The following MAPDA variants were observed in gnomAD, a reference collection of about 807,000 sequenced individuals.
MAPDA encodes the protein N6-Methyl-AMP deaminase.
the MAPDA span, among the ~76,000 whole-genome samples, chr15:43,350,071 CT>C: frequency 1.3e-5 from 2 of 151,554 alleles, no homozygotes; most frequent in Admixed American, 6.6e-5. Context: ...AGGAGTCACT[CT>C]TTTTTTTGGG....
the MAPDA span, chr15:43,331,922 C>G: frequency 1.3e-5 from 2 of 152,084 alleles, no homozygotes; most frequent in African/African-American, 4.8e-5. Flanking sequence ...ACTGCACATG[C>G]GTGTTGGTCC....
At chr15:43,350,887 A>G in the MAPDA span, 1 of 1,393,498 alleles carries the variant, frequency 7.2e-7, no homozygotes, top group Non-Finnish European at 1.0e-6. Flanking sequence ...GTGAACACTG[A>G]ATGAGTTCAC....
the MAPDA span, among the ~76,000 whole-genome samples, chr15:43,333,769 C>T: frequency 1.3e-5 from 2 of 152,254 alleles, no homozygotes; most frequent in Non-Finnish European, 2.9e-5. Flanking sequence ...AAGCGCTTGT[C>T]ACATACCTGT....
the MAPDA span, chr15:43,330,570 A>AG: frequency 2.1e-6 from 3 of 1,453,024 alleles, no homozygotes; most frequent in Middle Eastern, 2.6e-4. Context: ...GGACCTCGGT[A>AG]GGGGGAAAAA....
chr15:43,351,441 CTG>C, the MAPDA span: 3 of 348,400 alleles, frequency 8.6e-6, no homozygotes, highest in East Asian at 1.6e-4. Context: ...AACAAAAAAA[CTG>C]ATGCTCTGCA....
chr15:43,346,256 C>T, the MAPDA span, among the ~76,000 whole-genome samples: 30 of 152,282 alleles, frequency 2.0e-4, no homozygotes, highest in East Asian at 5.8e-3. Flanking sequence ...CAACTAGTCC[C>T]AGACTATATG....
the MAPDA span, chr15:43,348,897 C>T: frequency 2.2e-5 from 35 of 1,612,912 alleles, no homozygotes; most frequent in African/African-American, 4.7e-4. Flanking sequence ...CTTTCCTCCC[C>T]TTTCTTTAGA....
the MAPDA span, chr15:43,346,876 T>G: frequency 2.3e-5 from 15 of 657,066 alleles, no homozygotes; most frequent in African/African-American, 5.4e-5. Context: ...ACATTGTAGG[T>G]GCTTTATAAA....
chr15:43,351,725 T>C, the MAPDA span: 190 of 1,503,252 alleles, frequency 1.3e-4, 2 homozygotes, highest in South Asian at 2.4e-3. Context: ...TTTTTCATTT[T>C]GAAACATTCT....
At chr15:43,350,222 C>T in the MAPDA span, among the ~76,000 whole-genome samples, 2 of 150,606 alleles carry the variant, frequency 1.3e-5, no homozygotes, top group Non-Finnish European at 3.0e-5. Context: ...CCTGCCACCA[C>T]GCCCAGCTAA....
the MAPDA span, among the ~76,000 whole-genome samples, chr15:43,331,021 A>G: frequency 1.9e-4 from 29 of 152,214 alleles, no homozygotes; most frequent in Non-Finnish European, 2.4e-4. Context: ...CACAGTTGCA[A>G]AAGAGAACCC....
chr15:43,347,137 T>C, the MAPDA span: 1 of 1,486,112 alleles, frequency 6.7e-7, no homozygotes, highest in Non-Finnish European at 9.3e-7. Flanking sequence ...CAGATTGTAA[T>C]AGAAAATAAT....
the MAPDA span, chr15:43,346,873 A>T: frequency 1.5e-6 from 1 of 647,858 alleles, no homozygotes; most frequent in African/African-American, 1.8e-5. Flanking sequence ...CGCACATTGT[A>T]GGTGCTTTAT....
the MAPDA span, among the ~76,000 whole-genome samples, chr15:43,345,168 C>T: frequency 6.6e-6 from 1 of 151,932 alleles, no homozygotes; most frequent in Non-Finnish European, 1.5e-5. Flanking sequence ...TCTTGGCTAA[C>T]ACGGTGAAAC....
the MAPDA span, chr15:43,351,612 C>A: frequency 1.4e-6 from 1 of 707,662 alleles, no homozygotes; most frequent in South Asian, 2.0e-5. Flanking sequence ...TACAGCTATG[C>A]ATAGATAAAT....
chr15:43,348,587 T>C, the MAPDA span, among the ~76,000 whole-genome samples: 31 of 152,306 alleles, frequency 2.0e-4, no homozygotes, highest in African/African-American at 6.7e-4. Context: ...TTTTTGAAAA[T>C]TACTTAATTT....
the MAPDA span, among the ~76,000 whole-genome samples, chr15:43,350,472 T>C: frequency 6.6e-6 from 1 of 152,124 alleles, no homozygotes; most frequent in South Asian, 2.1e-4. Flanking sequence ...TAGGGGTTCT[T>C]AGAAGCCATG....
At chr15:43,331,476 TAGAAAA>T in the MAPDA span, among the ~76,000 whole-genome samples, 45 of 152,332 alleles carry the variant, frequency 3.0e-4, no homozygotes, top group African/African-American at 1.1e-3. Context: ...CTGGCTGAAA[TAGAAAA>T]GGAAATCAGA....
chr15:43,335,116 G>C, the MAPDA span: 1 of 1,613,878 alleles, frequency 6.2e-7, no homozygotes, highest in Non-Finnish European at 8.5e-7. Flanking sequence ...AAATGATAGA[G>C]GCAGAAGAGC....
Sources: gnomAD v4.1 joint callset for allele counts (sites outside exome capture counted in the v4.1 genomes callset) on GRCh38, gnomAD v4.1.1 for gene constraint, MANE v1.5 for transcripts, NCBI Gene and HGNC (gene_info 2026-07-23, HGNC 2026-07-21) for gene names.